Variants in APOB observed in about 807,000 individuals in gnomAD.
The protein encoded by APOB is apolipoprotein B-100.
APOB carries 153 observed loss-of-function variants against 314.1 expected under a neutral mutation model. The ratio of observed to expected loss-of-function variants is 0.49; its 90% CI spans 0.43 to 0.56. The LOEUF (loss-of-function observed/expected upper bound fraction) is 0.56. Among genes scored for constraint, APOB ranks in the 20% least tolerant of loss-of-function variants. The pLI, the probability that APOB is intolerant of heterozygous loss-of-function variation, is 0.00. For missense variants in APOB, 5,430 were observed against 5,350.7 expected (o/e 1.01, Z -0.46); for synonymous variants, 2,087 against 2,036.4 (o/e 1.02, Z -0.67).
Position 21,011,105 on chromosome 2 carries a change from T to G in APOB, c.5763A>C (p.Gly1921=). The G allele has an allele frequency of 6.2e-7, 1 of 1,614,228 alleles. No individual in the cohort carries two copies. Among genetic ancestry groups the G allele is most frequent in the Non-Finnish European group, 8.5e-7 (1 of 1,180,034 alleles). Residue 1921 remains glycine (G), a synonymous_variant, in exon 26 of 29, where the codon GGA becomes GGC. Coordinates refer to ENST00000233242, the MANE Select transcript of APOB (RefSeq NM_000384.3). ...TGCTATACAGCTGCCCAGTATGTTC[T>G]CCCCAGAGAGCGAGTTTCCCATTGC... ...TNGNGKLALW[G]EHTGQLYSKF...
rs571728141 is a variant in APOB, at chr2:21,012,283, C to T, written c.4585G>A (p.Gly1529Ser). The change falls in exon 26 of 29, where the codon GGC (glycine) becomes AGC (serine). Residue 1529 changes from glycine (G) to serine (S), a missense_variant. Coordinates refer to ENST00000233242, the MANE Select transcript of APOB (RefSeq NM_000384.3). ...TATCTTCCTGTTATCTGGTTGGTGC[C>T]TTGGAGGTAGGAGGAGTTAAACCTC... ...NLRFNSSYLQ[G>S]TNQITGRYED... is the part of the protein sequence containing the mutation. 5 of 1,613,982 alleles carry T rather than the reference C, an allele frequency of 3.1e-6. No homozygotes were observed. In the African/African-American group the frequency reaches 5.3e-5, roughly 17 times the overall value.
At chr2:21,041,867 A>G (rs1664140657) in intron 3 of APOB, among the ~76,000 whole-genome samples, 1 of 152,234 alleles carries the variant, frequency 6.6e-6, no homozygotes, top group African/African-American at 2.4e-5. Context: ...ACATGTATGT[A>G]ACATGAGTAC....
Position 21,007,998 on chromosome 2 carries a change from A to G in APOB, c.8870T>C (p.Phe2957Ser), listed in dbSNP as rs1247413029. Residue 2957 changes from phenylalanine (F) to serine (S), a missense_variant, in exon 26 of 29, where the codon TTT (phenylalanine) becomes TCT (serine). Around this residue, in one of 3 missense-constraint regions of APOB, gnomAD observed 3,281 missense variants for 3,171.0 expected, o/e 1.03. Coordinates refer to ENST00000233242, the MANE Select transcript of APOB (RefSeq NM_000384.3). ...SFTIEGPLTS[F>S]GLSNKINSKH... is the part of the protein sequence containing the mutation. ...GCTATTGATCTTATTGGACAGTCCA[A>G]AGGAAGTGAGGGGTCCTTCTATGGT... The G allele has an allele frequency of 6.2e-7, 1 of 1,614,092 alleles. No individual in the cohort carries two copies. Among genetic ancestry groups the G allele is most frequent in the Non-Finnish European group, 8.5e-7 (1 of 1,179,948 alleles).
intron 6 of APOB, among the ~76,000 whole-genome samples, chr2:21,035,988 G>A (rs530871303): frequency 1.3e-5 from 2 of 152,208 alleles, no homozygotes; most frequent in Non-Finnish European, 2.9e-5. Context: ...TCACACACCT[G>A]CTCAGTAACT....
rs372178138 is a variant in APOB, at chr2:21,022,689, C to T, written c.2816+142G>A. ...TAGGCTAGAATTAAAATAGGTAACCCGGAATCTTTCCTTTCTACTCCTCTC... is the reference window on the plus strand; with the variant it reads ...TAGGCTAGAATTAAAATAGGTAACCTGGAATCTTTCCTTTCTACTCCTCTC... On this transcript the variant is annotated intron_variant, in intron 18 of 28. Coordinates refer to ENST00000233242, the MANE Select transcript of APOB (RefSeq NM_000384.3). 1.3e-3 allele frequency: 930 copies of T among 739,292 alleles called. 15 individuals carry two copies. The South Asian group carries it at 0.014, about 11-fold the overall frequency. 45.8% of individuals were successfully genotyped at this position (739,292 alleles called of 1,614,324 possible).
At chr2:21,037,015 G>T (rs763683783) in intron 6 of APOB, 85 bp downstream of exon 6, 3 of 1,554,898 alleles carry the variant, frequency 1.9e-6, no homozygotes, top group East Asian at 2.3e-5. Flanking sequence ...TGTCCTCAAA[G>T]GTGCCCACTA....
chr2:21,029,374 C>T (rs571213672), intron 12 of APOB, among the ~76,000 whole-genome samples: 23 of 152,218 alleles, frequency 1.5e-4, no homozygotes, highest in African/African-American at 5.5e-4. Flanking sequence ...ATTGCTTGAA[C>T]CCAGGAGGCA....
intron 16 of APOB, 123 bp from the exon 17 acceptor site, chr2:21,023,815 T>G (rs1206564314): frequency 9.1e-6 from 7 of 768,996 alleles, no homozygotes; most frequent in Middle Eastern, 3.7e-4. Flanking sequence ...ACTAGCATAT[T>G]TTGATGAGCT....
rs1424727846 is a variant in APOB, at chr2:21,043,567, A to G, written c.83-16T>C. On this transcript the variant is annotated splice_polypyrimidine_tract_variant and intron_variant, in intron 1 of 28. Transcript: ENST00000233242. ...ATTTCCTCTTCTGTAAGACAGGAGA[A>G]AGAAATCTGTGAGCTTCCCACGTCT... 3 of 1,596,878 alleles carry G rather than the reference A, an allele frequency of 1.9e-6. No individual in the cohort carries two copies. Among genetic ancestry groups the G allele is most frequent in the Non-Finnish European group, 1.7e-6 (2 of 1,171,498 alleles).
At chr2:21,042,294 C>T (rs1664149147) in intron 3 of APOB, 67 bp downstream of exon 3, 17 of 1,256,292 alleles carry the variant, frequency 1.4e-5, no homozygotes, top group Admixed American at 5.0e-5. Context: ...GCGTGTTGGG[C>T]GCCCGCTGGA....
rs769123015 is a variant in APOB at position 21,028,529 on chromosome 2, C to T, written c.1627G>A (p.Val543Ile). 1.9e-6 allele frequency: 3 copies of T among 1,610,698 alleles called. No individual in the cohort carries two copies. Among genetic ancestry groups the T allele is most frequent in the East Asian group, 2.2e-5 (1 of 44,872 alleles). The change falls in exon 13 of 29, where the codon GTT (valine) becomes ATT (isoleucine). Residue 543 changes from valine (V) to isoleucine (I), a missense_variant. Around this residue, in one of 3 missense-constraint regions of APOB, gnomAD observed 2,085 missense variants for 2,079.7 expected, o/e 1.00. Coordinates refer to ENST00000233242, the MANE Select transcript of APOB (RefSeq NM_000384.3). ...KMEPKDKDQE[V>I]LLQTFLDDAS... is the part of the protein sequence containing the mutation. Reference sequence around the variant, plus strand: ...TCATCAAGGAAAGTCTGAAGAAGAACCTCCTGGTCCTGCAGTCAAAAGAGG... The same window carrying T: ...TCATCAAGGAAAGTCTGAAGAAGAATCTCCTGGTCCTGCAGTCAAAAGAGG...
At position 21,007,014 on chromosome 2, in the gene APOB, A is replaced by T. The variant is rs1363244474; in HGVS notation, c.9854T>A (p.Ile3285Asn). ...AGGCACACGGACGTCAGAACCTAGG[A>T]TGGAGAAACTAGGCATGCTGACTGC... ...PKAVSMPSFS[I>N]LGSDVRVPSY... The change falls in exon 26 of 29, where the codon ATC becomes AAC. Residue 3285 changes from isoleucine (I) to asparagine (N), a missense_variant. By Grantham distance (149) the Ile-to-Asn change is moderately radical. This residue lies in a region of APOB where 3,281 missense variants were observed against 3,171.0 expected (regional missense o/e 1.03). Transcript: ENST00000233242. 6.2e-7 allele frequency: 1 copy of T among 1,613,934 alleles called. No homozygotes were observed. The highest frequency in any genetic ancestry group is 1.3e-5 in the African/African-American group (1 of 74,916).
intron 2 of APOB, among the ~76,000 whole-genome samples, chr2:21,043,082 C>T (rs1255575036): frequency 6.7e-6 from 1 of 149,556 alleles, no homozygotes; most frequent in Non-Finnish European, 1.5e-5. Flanking sequence ...CTCCAGCACA[C>T]AGGGTCGCGC....
At position 21,034,799 on chromosome 2, in the gene APOB, T is replaced by TGGACA; in HGVS notation, c.904+12_904+16dup. The TGGACA allele has an allele frequency of 6.7e-7, 1 of 1,481,530 alleles. No individual in the cohort carries two copies. Among genetic ancestry groups the TGGACA allele is most frequent in the East Asian group, 2.3e-5 (1 of 44,268 alleles). The allele number at this position is 1,481,530 out of a possible 1,614,324, so 91.8% of individuals were successfully genotyped here. A position where few individuals can be genotyped will look rare whatever the true frequency, so the allele number is the denominator to read the frequency against. On this transcript the variant is annotated intron_variant, in intron 8 of 28. Coordinates refer to ENST00000233242, the MANE Select transcript of APOB (RefSeq NM_000384.3). ...TTGAGTAGATTTTCCAGCAACTATGTGGACAGAAACTCTTACCTTCACCAA... is the reference window on the plus strand; with the variant it reads ...TTGAGTAGATTTTCCAGCAACTATGTGGACAGGACAGAAACTCTTACCTTCACCAA...
Position 21,011,174 on chromosome 2 carries a change from A to G in APOB, c.5694T>C (p.Ser1898=), listed in dbSNP as rs1276735981. Residue 1898 remains serine (S), a synonymous_variant, in exon 26 of 29, where the codon TCT becomes TCC. Transcript: ENST00000233242. ...DSLHFSNVFR[S]VMAPFTMTID... Reference sequence around the variant, plus strand: ...TGGTCATGGTAAACGGGGCCATTACAGAACGGAAGACATTGCTGAAATGCA... The same window carrying G: ...TGGTCATGGTAAACGGGGCCATTACGGAACGGAAGACATTGCTGAAATGCA... 2 of 1,614,218 alleles carry G rather than the reference A, an allele frequency of 1.2e-6. No individual in the cohort carries two copies. The highest frequency in any genetic ancestry group is 3.3e-5 in the Admixed American group (2 of 60,026).
chr2:21,007,893 A>G lies in APOB; in HGVS notation c.8975T>C (p.Val2992Ala), dbSNP rs372037299. 6.2e-7 allele frequency: 1 copy of G among 1,613,968 alleles called. No homozygotes were observed. ...NFSKLEIQSQ[V>A]DSQHVGHSVL... is the part of the protein sequence containing the mutation. Reference sequence around the variant, plus strand: ...ACTGTGGCCCACATGCTGGGAATCGACTTGTGATTGAATTTCAAGTTTAGA... The same window carrying G: ...ACTGTGGCCCACATGCTGGGAATCGGCTTGTGATTGAATTTCAAGTTTAGA... The change falls in exon 26 of 29, where the codon GTC becomes GCC. Residue 2992 changes from valine to alanine, a missense_variant. By Grantham distance (64) the Val-to-Ala change is moderately conservative. Coordinates refer to ENST00000233242, the MANE Select transcript of APOB (RefSeq NM_000384.3).
intron 4 of APOB, among the ~76,000 whole-genome samples, chr2:21,039,213 G>A (rs1473749091): frequency 1.3e-5 from 2 of 152,252 alleles, no homozygotes; most frequent in Non-Finnish European, 1.5e-5. Context: ...GCTCAGGACA[G>A]CACACTTTTC....
At position 21,027,903 on chromosome 2, in the gene APOB, A is replaced by C. The variant is rs777320899; in HGVS notation, c.1992T>G (p.Asn664Lys). Reference protein sequence around the residue: ...KIEGNLIFDPNNYLPKESMLK... With the variant: ...KIEGNLIFDPKNYLPKESMLK... ...GCATGCTTTCTTTAGGAAGGTAGTT[A>C]TTTGGATCAAATATAAGATTCCCTT... The change falls in exon 14 of 29, where the codon AAT becomes AAG. Residue 664 changes from asparagine (N) to lysine (K), a missense_variant. Transcript: ENST00000233242. 6.8e-6 allele frequency: 11 copies of C among 1,614,184 alleles called. No homozygotes were observed. The East Asian group carries it at 2.5e-4, about 36-fold the overall frequency.
intron 3 of APOB, among the ~76,000 whole-genome samples, chr2:21,041,430 G>A (rs886457863): frequency 9.9e-5 from 15 of 152,214 alleles, no homozygotes; most frequent in African/African-American, 3.6e-4. Context: ...GAGTGAAAGT[G>A]AAGAAGAAAA....
Sources: allele counts gnomAD v4.1 joint callset (sites outside exome capture counted in the v4.1 genomes callset), GRCh38; gene constraint gnomAD v4.1.1; regional missense constraint gnomAD v4.1.1; transcripts MANE v1.5; gene names NCBI Gene and HGNC (gene_info 2026-07-23, HGNC 2026-07-21).